SORCS1: variants seen among roughly 807,000 people sequenced by gnomAD.
SORCS1 encodes VPS10 domain-containing receptor SorCS1.
SORCS1 carries 60 observed loss-of-function variants against 146.1 expected under a neutral mutation model. That is an observed-to-expected ratio of 0.41 (90% CI 0.33 to 0.51). The LOEUF (loss-of-function observed/expected upper bound fraction) is 0.51, where lower values mean the gene tolerates loss of function less well. Ranked by LOEUF, SORCS1 falls within the 20% of genes least tolerant of loss-of-function variation. The pLI is 0.21. For synonymous variants in SORCS1, 637 were observed against 584.0 expected, an observed-to-expected ratio of 1.09 and a Z score of -1.31; for missense variants, 1,352 against 1,487.6, an observed-to-expected ratio of 0.91 and a Z score of 1.50.
chr10:107,164,802 C>T (rs1183754928), upstream of SORCS1, among the ~76,000 whole-genome samples: 4 of 148,052 alleles, frequency 2.7e-5, no homozygotes, highest in African/African-American at 7.3e-5. The surrounding 1 kb of genome is among the most constrained non-coding windows in gnomAD (Gnocchi z 6.8). Flanking sequence ...TGGCGGGCGA[C>T]GCGGGAGGGA....
At chr10:107,098,580 A>G (rs1453454020) in intron 1 of SORCS1, among the ~76,000 whole-genome samples, 1 of 152,232 alleles carries the variant, frequency 6.6e-6, no homozygotes, top group Non-Finnish European at 1.5e-5. Context: ...GTCTGGGCTC[A>G]GCCAACACCT....
At chr10:107,154,295 G>A (rs995066985) in intron 1 of SORCS1, among the ~76,000 whole-genome samples, 4 of 152,072 alleles carry the variant, frequency 2.6e-5, no homozygotes, top group Admixed American at 1.3e-4. Flanking sequence ...GAGCCACCAC[G>A]CCTGGCCTCC....
rs370523458 is a variant in SORCS1, at chr10:106,727,034, C to T, written c.1024+3016G>A. The stretch of plus-strand genomic sequence containing the variant: ...CTGGGAGGCGGAGCTTGCAGTGAGC[C>T]GAGATAGTGCCACTGCACTCCAGCC... On this transcript the variant is annotated intron_variant, in intron 6 of 25. Coordinates refer to ENST00000263054, the MANE Select transcript of SORCS1 (RefSeq NM_052918.5). 5.3e-5 allele frequency among the ~76,000 whole-genome samples: 8 copies of T among 149,688 alleles called. No individual in the cohort carries two copies. In the East Asian group the frequency reaches 1.4e-3, roughly 26 times the overall value.
chr10:107,087,862 A>G (rs967808061), intron 1 of SORCS1, among the ~76,000 whole-genome samples: 6 of 152,228 alleles, frequency 3.9e-5, no homozygotes, highest in African/African-American at 1.4e-4. Flanking sequence ...TGGTTGCTAG[A>G]GTTTCCCAAT....
chr10:106,815,150 G>A (rs188286501), intron 3 of SORCS1, among the ~76,000 whole-genome samples: 1 of 151,834 alleles, frequency 6.6e-6, no homozygotes, highest in East Asian at 2.0e-4. Flanking sequence ...GTAAAGATGG[G>A]GTTTCTCCAT....
intron 18 of SORCS1, among the ~76,000 whole-genome samples, chr10:106,633,093 G>T (rs1050068091): frequency 1.3e-5 from 2 of 152,232 alleles, no homozygotes. Context: ...TACCTTCTGG[G>T]ACTTGTGGGT....
chr10:107,139,381 T>C (rs1184617964), intron 1 of SORCS1, among the ~76,000 whole-genome samples: 1 of 152,230 alleles, frequency 6.6e-6, no homozygotes, highest in Non-Finnish European at 1.5e-5. Flanking sequence ...TTTCTATTAC[T>C]ATTTATCTAT....
chr10:106,604,144 G>A (rs964825490), intron 23 of SORCS1, among the ~76,000 whole-genome samples: 3 of 152,134 alleles, frequency 2.0e-5, no homozygotes, highest in African/African-American at 7.2e-5. Context: ...CTTCCCATAT[G>A]GTAGCCAGGA....
chr10:107,059,673 G>C (rs1363037884), intron 1 of SORCS1, among the ~76,000 whole-genome samples: 1 of 152,092 alleles, frequency 6.6e-6, no homozygotes, highest in Admixed American at 6.5e-5. Flanking sequence ...GGATGGGCCT[G>C]TTTAGGGCTT....
chr10:106,931,453 G>A (rs1953411825), intron 2 of SORCS1, among the ~76,000 whole-genome samples: 1 of 152,228 alleles, frequency 6.6e-6, no homozygotes, highest in South Asian at 2.1e-4. Flanking sequence ...ATGGAAGCGG[G>A]TGGGGAAAAT....
chr10:106,774,511 C>T (rs974928228), intron 4 of SORCS1, among the ~76,000 whole-genome samples: 3 of 151,114 alleles, frequency 2.0e-5, no homozygotes, highest in South Asian at 4.2e-4. Flanking sequence ...GAAAAATTTG[C>T]AATTTTGTAA....
intron 2 of SORCS1, among the ~76,000 whole-genome samples, chr10:106,859,593 A>G (rs1009202326): frequency 6.6e-6 from 1 of 152,094 alleles, no homozygotes; most frequent in African/African-American, 2.4e-5. Flanking sequence ...GGGTTTTACC[A>G]TGTTGGCCAG....
At chr10:107,145,766 T>A (rs1968273001) in intron 1 of SORCS1, among the ~76,000 whole-genome samples, 1 of 152,160 alleles carries the variant, frequency 6.6e-6, no homozygotes, top group Admixed American at 6.5e-5. Flanking sequence ...ACACACACAA[T>A]CTAACTAAAA....
chr10:106,634,856 C>A (rs10491052), intron 18 of SORCS1, among the ~76,000 whole-genome samples: 34,435 of 152,110 alleles, frequency 0.23, 4,808 homozygotes, highest in East Asian at 0.52. Context: ...AATCTAATAA[C>A]TCAAAAGAAA....
chr10:107,106,425 T>C (rs889530283), intron 1 of SORCS1, among the ~76,000 whole-genome samples: 3 of 152,204 alleles, frequency 2.0e-5, no homozygotes, highest in Non-Finnish European at 4.4e-5. Context: ...GCCTTTTATT[T>C]TGGGTCAAAC....
intron 2 of SORCS1, among the ~76,000 whole-genome samples, chr10:106,907,577 T>G (rs1951963467): frequency 1.3e-5 from 2 of 152,164 alleles, no homozygotes; most frequent in South Asian, 4.1e-4. Context: ...ATCAGCAAAT[T>G]AGTAAATATG....
chr10:107,010,421 G>A (rs1471054870), intron 1 of SORCS1, among the ~76,000 whole-genome samples: 2 of 101,880 alleles, frequency 2.0e-5, no homozygotes, highest in Non-Finnish European at 4.0e-5. Flanking sequence ...TGCTCACAAG[G>A]CATAACTTTA....
At chr10:106,598,736 G>C (rs528881733) in intron 23 of SORCS1, among the ~76,000 whole-genome samples, 1 of 150,862 alleles carries the variant, frequency 6.6e-6, no homozygotes, top group Non-Finnish European at 1.5e-5. Flanking sequence ...TTCCTTCAGT[G>C]AGTTGCCAAA....
intron 1 of SORCS1, among the ~76,000 whole-genome samples, chr10:107,110,710 CT>C (rs1965638937): frequency 6.8e-6 from 1 of 146,092 alleles, no homozygotes; most frequent in East Asian, 2.0e-4. Flanking sequence ...ATCATTGTGA[CT>C]TGGTTTTAGT....
Sources: allele counts gnomAD v4.1 joint callset (sites outside exome capture counted in the v4.1 genomes callset), GRCh38; gene constraint gnomAD v4.1.1; non-coding constraint Gnocchi (gnomAD v3.1); transcripts MANE v1.5; gene names NCBI Gene and HGNC (gene_info 2026-07-23, HGNC 2026-07-21).